The following RGS3 variants were observed in gnomAD, a reference collection of about 807,000 sequenced individuals.
The protein encoded by RGS3 is regulator of G protein signaling 3.
In RGS3, 80 loss-of-function variants were observed where a neutral mutation model predicts 132.6. That is an observed-to-expected ratio of 0.60 (90% CI 0.50 to 0.73). The LOEUF (loss-of-function observed/expected upper bound fraction) is 0.73. Ranked by LOEUF, RGS3 falls within the 30% of genes least tolerant of loss-of-function variation. The pLI is 0.00. For missense variants in RGS3, 1,382 were observed against 1,530.8 expected (o/e 0.90, Z 1.62); for synonymous variants, 598 against 620.6 (o/e 0.96, Z 0.54).
chr9:113,500,644 C>G (rs1830844537), intron 10 of RGS3, among the ~76,000 whole-genome samples: 1 of 151,888 alleles, frequency 6.6e-6, no homozygotes, highest in South Asian at 2.1e-4. Context: ...TCACCAGATC[C>G]TGACAGCAAA....
chr9:113,461,378 G>T (rs1829467028), intron 1 of RGS3, among the ~76,000 whole-genome samples: 1 of 152,132 alleles, frequency 6.6e-6, no homozygotes, highest in South Asian at 2.1e-4. Flanking sequence ...AGCAGTGTGG[G>T]TTAATAGGGC....
At chr9:113,501,578 T>A in intron 10 of RGS3, 1 of 1,553,044 alleles carries the variant, frequency 6.4e-7, no homozygotes, top group Non-Finnish European at 8.7e-7. Context: ...CCCGCAGCCA[T>A]GAACCGCTTC....
At chr9:113,477,754 T>C (rs1420033514) in intron 3 of RGS3, among the ~76,000 whole-genome samples, 1 of 152,076 alleles carries the variant, frequency 6.6e-6, no homozygotes, top group Admixed American at 6.6e-5. Context: ...CAGAGCTCTT[T>C]CAAAAGGGAA....
At chr9:113,594,285 A>T in intron 21 of RGS3, 145 bp from the exon 20 acceptor site, 1 of 1,602,244 alleles carries the variant, frequency 6.2e-7, no homozygotes, top group Non-Finnish European at 8.5e-7. Flanking sequence ...AGATGCTCCG[A>T]GGCATGTACC....
intron 14 of RGS3, among the ~76,000 whole-genome samples, chr9:113,512,097 T>C (rs571738287): frequency 1.2e-4 from 19 of 152,278 alleles, no homozygotes; most frequent in African/African-American, 4.6e-4. Flanking sequence ...ATCAGTATTA[T>C]CTCCACTTCA....
At chr9:113,585,787 C>T (rs1588292943) in intron 20 of RGS3, among the ~76,000 whole-genome samples, 1 of 152,312 alleles carries the variant, frequency 6.6e-6, no homozygotes, top group East Asian at 1.9e-4. Context: ...GACATGTCCT[C>T]AGAAGCCTGC....
intron 18 of RGS3, among the ~76,000 whole-genome samples, chr9:113,533,766 C>A (rs545242240): frequency 8.5e-5 from 13 of 152,202 alleles, no homozygotes; most frequent in Admixed American, 5.9e-4. Context: ...CCTCACCCCC[C>A]ACCTTTACAT....
At chr9:113,578,462 C>G (rs749280394) in intron 19 of RGS3, among the ~76,000 whole-genome samples, 3 of 152,334 alleles carry the variant, frequency 2.0e-5, no homozygotes, top group Middle Eastern at 3.4e-3. Context: ...GGAGCTCCCC[C>G]TAATGTAAGT....
At chr9:113,559,346 A>C (rs906940064) in intron 19 of RGS3, among the ~76,000 whole-genome samples, 1 of 152,216 alleles carries the variant, frequency 6.6e-6, no homozygotes, top group Non-Finnish European at 1.5e-5. Flanking sequence ...GGAGACAGTC[A>C]TGGCTCCCAG....
chr9:113,472,493 T>G (rs1220437218), intron 3 of RGS3, among the ~76,000 whole-genome samples: 1 of 152,116 alleles, frequency 6.6e-6, no homozygotes, highest in Non-Finnish European at 1.5e-5. Flanking sequence ...CTTGAAAACA[T>G]TATGCTAAGT....
intron 19 of RGS3, among the ~76,000 whole-genome samples, chr9:113,562,126 T>G (rs1463015421): frequency 2.0e-5 from 3 of 152,076 alleles, no homozygotes; most frequent in South Asian, 4.1e-4. Flanking sequence ...CTTACTAGAG[T>G]GTGACCTTAG....
chr9:113,542,943 G>A (rs1277414597), intron 19 of RGS3, among the ~76,000 whole-genome samples: 3 of 152,310 alleles, frequency 2.0e-5, no homozygotes, highest in Non-Finnish European at 2.9e-5. Context: ...CTGTGCTGCC[G>A]CAGGGCTGAA....
chr9:113,474,084 G>A (rs1360108378), intron 3 of RGS3, among the ~76,000 whole-genome samples: 2 of 151,606 alleles, frequency 1.3e-5, no homozygotes, highest in African/African-American at 4.9e-5. Flanking sequence ...TCAAGAGACT[G>A]AATGCTAATT....
chr9:113,463,814 C>G lies in RGS3; in HGVS notation c.415+1613C>G. The G allele has an allele frequency of 6.2e-7, 1 of 1,612,438 alleles. No homozygotes were observed. The highest frequency in any genetic ancestry group is 8.5e-7 in the Non-Finnish European group (1 of 1,179,606). Reference sequence around the variant, plus strand: ...CGCAGTGGGACGCCATGGAGCGCTCCCTGCACCGCGTCTCCCTCGGGAGCC... The same window carrying G: ...CGCAGTGGGACGCCATGGAGCGCTCGCTGCACCGCGTCTCCCTCGGGAGCC... On this transcript the variant is annotated intron_variant, in intron 3 of 24. Coordinates refer to ENST00000350696, the Ensembl canonical transcript of RGS3. The surrounding 1 kb of genome is among the most constrained non-coding windows in gnomAD (Gnocchi z 4.6).
chr9:113,561,106 C>G (rs887776418), intron 19 of RGS3, among the ~76,000 whole-genome samples: 1 of 152,072 alleles, frequency 6.6e-6, no homozygotes, highest in Non-Finnish European at 1.5e-5. Context: ...TCACTGCAAT[C>G]TTCACCTCCC....
At chr9:113,577,025 C>T (rs1564595987) in intron 19 of RGS3, among the ~76,000 whole-genome samples, 1 of 152,082 alleles carries the variant, frequency 6.6e-6, no homozygotes, top group African/African-American at 2.4e-5. Flanking sequence ...ACTCTATTGC[C>T]CAGGCTGGAG....
intron 19 of RGS3, among the ~76,000 whole-genome samples, chr9:113,576,244 A>G (rs903229246): frequency 1.5e-4 from 23 of 152,088 alleles, no homozygotes; most frequent in African/African-American, 2.9e-4. Flanking sequence ...TGTATTTTAT[A>G]TAAGCTCCTG....
At chr9:113,491,469 T>TC (rs1275940718) in intron 7 of RGS3, among the ~76,000 whole-genome samples, 1 of 151,996 alleles carries the variant, frequency 6.6e-6, no homozygotes, top group Non-Finnish European at 1.5e-5. Context: ...CAGGCTGGTC[T>TC]CCATCTCCTG....
intron 7 of RGS3, among the ~76,000 whole-genome samples, chr9:113,491,925 C>T (rs893208529): frequency 6.6e-6 from 1 of 152,192 alleles, no homozygotes; most frequent in African/African-American, 2.4e-5. Flanking sequence ...CTGCACTGTC[C>T]CAGGCACTGT....
Sources: allele counts gnomAD v4.1 joint callset (sites outside exome capture counted in the v4.1 genomes callset), GRCh38; gene constraint gnomAD v4.1.1; non-coding constraint Gnocchi (gnomAD v3.1); transcripts MANE v1.5; gene names NCBI Gene and HGNC (gene_info 2026-07-23, HGNC 2026-07-21).